NALF1: variants seen among roughly 807,000 people sequenced by gnomAD.
NALF1 encodes the protein NALCN channel auxiliary factor 1, also known as family with sequence similarity 155 member A.
NALF1 carries 3 observed loss-of-function variants against 48.4 expected under a neutral mutation model. That is an observed-to-expected ratio of 0.06 (90% CI 0.03 to 0.16). The LOEUF (loss-of-function observed/expected upper bound fraction) is 0.16, where lower values mean the gene tolerates loss of function less well. NALF1 is among the 10% of genes least tolerant of loss of function. NALF1 has a pLI of 1.00. For missense variants in NALF1, 526 were observed against 571.5 expected (o/e 0.92, Z 0.81); for synonymous variants, 262 against 245.7 (o/e 1.07, Z -0.62).
chr13:107,406,676 A>C lies in NALF1; in HGVS notation c.916-195921T>G, dbSNP rs187226099. On this transcript the variant is annotated intron_variant, in intron 1 of 2. Coordinates refer to ENST00000375915, the MANE Select transcript of NALF1 (RefSeq NM_001080396.3). The stretch of plus-strand genomic sequence containing the variant: ...CATTCTTTACAGAAATAGAAAAAAC[A>C]GTCCTAAAATTTATATGGAACCATC... Among the ~76,000 whole-genome samples, 7 of 152,126 alleles carry C rather than the reference A, an allele frequency of 4.6e-5. No individual in the cohort carries two copies. In the East Asian group the frequency reaches 1.3e-3, roughly 29 times the overall value.
At chr13:107,653,986 T>G (rs1594186300) in intron 1 of NALF1, among the ~76,000 whole-genome samples, 1 of 151,986 alleles carries the variant, frequency 6.6e-6, no homozygotes, top group Non-Finnish European at 1.5e-5. Context: ...AAAAAATTAG[T>G]GACTAATAAA....
At chr13:107,186,576 G>A (rs544191205) in intron 2 of NALF1, among the ~76,000 whole-genome samples, 3 of 152,046 alleles carry the variant, frequency 2.0e-5, no homozygotes, top group Admixed American at 1.3e-4. Context: ...CCATGTTGGC[G>A]AGGATGGTCT....
At chr13:107,797,632 C>T (rs1267896278) in intron 1 of NALF1, among the ~76,000 whole-genome samples, 1 of 152,140 alleles carries the variant, frequency 6.6e-6, no homozygotes, top group Non-Finnish European at 1.5e-5. Flanking sequence ...TCAATGAACA[C>T]AACACATCTT....
intron 1 of NALF1, among the ~76,000 whole-genome samples, chr13:107,485,564 A>G (rs980611393): frequency 6.6e-6 from 1 of 152,178 alleles, no homozygotes; most frequent in Non-Finnish European, 1.5e-5. Flanking sequence ...TATTGTAAGT[A>G]GGTTGGGAAC....
intron 1 of NALF1, among the ~76,000 whole-genome samples, chr13:107,692,687 T>G (rs1161211673): frequency 1.3e-5 from 2 of 152,124 alleles, no homozygotes; most frequent in East Asian, 1.9e-4. Context: ...AAGTAAAAAT[T>G]TTCTCACAAA....
chr13:107,498,841 G>C (rs1310340394), intron 1 of NALF1, among the ~76,000 whole-genome samples: 1 of 152,018 alleles, frequency 6.6e-6, no homozygotes, highest in East Asian at 1.9e-4. Flanking sequence ...GATTTTTTCA[G>C]GTTAATCCAA....
rs572289373 is a variant in NALF1, at chr13:107,532,637, T to C, written c.916-321882A>G. Among the ~76,000 whole-genome samples, 37 of 152,232 alleles carry C rather than the reference T, an allele frequency of 2.4e-4. 1 individual carries two copies. The highest frequency in any genetic ancestry group is 8.7e-4 in the African/African-American group (36 of 41,564). On this transcript the variant is annotated intron_variant, in intron 1 of 2. Coordinates refer to ENST00000375915, the MANE Select transcript of NALF1 (RefSeq NM_001080396.3). The stretch of plus-strand genomic sequence containing the variant: ...TGAAGTTTTTATATACTCATATCTT[T>C]TGACTTGAGGTATTTCAAATATTTG...
chr13:107,551,636 A>G lies in NALF1; in HGVS notation c.915+314046T>C, dbSNP rs551478998. The stretch of plus-strand genomic sequence containing the variant: ...CGGTTGGGAAGCTGTCATCTTTATA[A>G]TCATAATCTGAGGAGTGATTCATAT... On this transcript the variant is annotated intron_variant, in intron 1 of 2. Coordinates refer to ENST00000375915, the MANE Select transcript of NALF1 (RefSeq NM_001080396.3). Among the ~76,000 whole-genome samples the G allele has an allele frequency of 4.5e-4, 69 of 152,214 alleles. 1 individual carries two copies. Among genetic ancestry groups the G allele is most frequent in the African/African-American group, 1.6e-3 (68 of 41,562 alleles).
chr13:107,693,328 T>TGGGGGGG (rs1566446153), intron 1 of NALF1, among the ~76,000 whole-genome samples: 42 of 55,942 alleles, frequency 7.5e-4, no homozygotes, highest in South Asian at 1.5e-3. Flanking sequence ...TGTCGTAGGG[T>TGGGGGGG]AGGGGGGGCG....
chr13:107,452,505 C>T (rs2139036321), intron 1 of NALF1, among the ~76,000 whole-genome samples: 1 of 152,282 alleles, frequency 6.6e-6, no homozygotes, highest in Admixed American at 6.5e-5. Context: ...ATCATGAGAA[C>T]AGCATGAAGG....
At chr13:107,383,582 G>GA (rs563285537) in intron 1 of NALF1, among the ~76,000 whole-genome samples, 49 of 145,822 alleles carry the variant, frequency 3.4e-4, no homozygotes, top group South Asian at 1.3e-3. Context: ...TGCTTAAAAA[G>GA]AAAAAAAAAA....
chr13:107,632,573 A>G (rs1197464432), intron 1 of NALF1, among the ~76,000 whole-genome samples: 9 of 152,082 alleles, frequency 5.9e-5, no homozygotes, highest in Non-Finnish European at 1.3e-4. Flanking sequence ...CCCACCTTTT[A>G]ATGGCCTCCG....
Position 107,335,321 on chromosome 13 carries a change from A to G in NALF1, c.916-124566T>C, listed in dbSNP as rs544397659. On this transcript the variant is annotated intron_variant, in intron 1 of 2. Coordinates refer to ENST00000375915, the MANE Select transcript of NALF1 (RefSeq NM_001080396.3). ...TATTAAGTGATACTTGACAACTTCT[A>G]TTGGGCACTGTCATTAAAACAACAA... is the stretch of plus-strand genomic sequence containing the variant. Among the ~76,000 whole-genome samples the G allele has an allele frequency of 9.1e-4, 138 of 152,290 alleles. 3 individuals carry two copies. The South Asian group carries it at 0.028, about 31-fold the overall frequency.
At chr13:107,678,654 G>A (rs768738501) in intron 1 of NALF1, among the ~76,000 whole-genome samples, 2 of 152,220 alleles carry the variant, frequency 1.3e-5, no homozygotes, top group Non-Finnish European at 2.9e-5. Flanking sequence ...ACAGTTCAGT[G>A]TGGCTGGGGA....
intron 1 of NALF1, among the ~76,000 whole-genome samples, chr13:107,218,198 A>C (rs776822525): frequency 5.9e-5 from 9 of 152,010 alleles, no homozygotes; most frequent in South Asian, 2.1e-4. Flanking sequence ...ATTCCTGTCC[A>C]TCCTGTGTGA....
chr13:107,783,738 G>C (rs887864683), intron 1 of NALF1, among the ~76,000 whole-genome samples: 1 of 151,714 alleles, frequency 6.6e-6, no homozygotes, highest in Admixed American at 6.6e-5. Context: ...GAAGGCCGCA[G>C]GGTCCTCTGC....
chr13:107,551,990 A>C (rs979853574), intron 1 of NALF1, among the ~76,000 whole-genome samples: 2 of 152,296 alleles, frequency 1.3e-5, no homozygotes, highest in East Asian at 3.9e-4. Flanking sequence ...GTTAAAGGTT[A>C]ATAAACATCT....
chr13:107,297,781 G>A (rs1881752581), intron 1 of NALF1, among the ~76,000 whole-genome samples: 1 of 151,982 alleles, frequency 6.6e-6, no homozygotes, highest in African/African-American at 2.4e-5. Flanking sequence ...TTAACAGAAG[G>A]CAATATGGAG....
chr13:107,672,316 G>A (rs776970766), intron 1 of NALF1, among the ~76,000 whole-genome samples: 20 of 152,132 alleles, frequency 1.3e-4, no homozygotes, highest in Admixed American at 4.6e-4. Context: ...ACACATATTC[G>A]TCAAGGCGTT....
Sources: allele counts gnomAD v4.1 joint callset (sites outside exome capture counted in the v4.1 genomes callset), GRCh38; gene constraint gnomAD v4.1.1; transcripts MANE v1.5; gene names NCBI Gene and HGNC (gene_info 2026-07-23, HGNC 2026-07-21).